Variants in MICAL3 observed in about 807,000 individuals in gnomAD.
MICAL3 encodes microtubule associated monooxygenase, calponin and LIM domain containing 3, also known as [F-actin]-monooxygenase MICAL3.
Under a neutral mutation model 207.4 loss-of-function variants are expected in MICAL3, and 62 were observed. The observed-to-expected ratio is 0.30, with a 90% CI of 0.24 to 0.37. MICAL3 has a LOEUF of 0.37. Among genes scored for constraint, MICAL3 ranks in the 10% least tolerant of loss-of-function variants. The pLI is 1.00. For synonymous variants in MICAL3, 1,077 were observed against 1,069.3 expected, an observed-to-expected ratio of 1.01 and a Z score of -0.14; for missense variants, 2,368 against 2,635.6, an observed-to-expected ratio of 0.90 and a Z score of 2.22.
intron 1 of MICAL3, among the ~76,000 whole-genome samples, chr22:17,934,333 A>G (rs1933413272): frequency 6.6e-6 from 1 of 152,000 alleles, no homozygotes; most frequent in South Asian, 2.1e-4. Context: ...AATCCATCAC[A>G]TAAACAGAAC....
chr22:17,795,214 A>G (rs901552008), intron 29 of MICAL3, among the ~76,000 whole-genome samples: 5 of 152,244 alleles, frequency 3.3e-5, no homozygotes, highest in African/African-American at 1.2e-4. Context: ...ATGCATGGGT[A>G]CGAGGGAGGA....
intron 1 of MICAL3, among the ~76,000 whole-genome samples, chr22:17,909,355 CT>C (rs1931967436): frequency 6.6e-6 from 1 of 152,114 alleles, no homozygotes; most frequent in South Asian, 2.1e-4. Flanking sequence ...GAAACCCTAT[CT>C]CTACCAAAAA....
intron 19 of MICAL3, among the ~76,000 whole-genome samples, chr22:17,847,658 C>T (rs1177721319): frequency 2.5e-4 from 38 of 152,290 alleles, no homozygotes; most frequent in South Asian, 2.1e-4. Flanking sequence ...GCAAGAATGG[C>T]GCTGATTGAA....
Position 17,791,059 on chromosome 22 carries a change from C to T in MICAL3, c.5763G>A (p.Leu1921=), listed in dbSNP as rs776722444. 9.3e-6 allele frequency: 15 copies of T among 1,611,652 alleles called. No individual in the cohort carries two copies. The highest frequency in any genetic ancestry group is 1.2e-5 in the Non-Finnish European group (14 of 1,179,712). ...GTCGACTCTGCCGGTCTTCCAGCTCCAGCTCCCGGGCACTGAGGAGGCAGG... is the reference window on the plus strand; with the variant it reads ...GTCGACTCTGCCGGTCTTCCAGCTCTAGCTCCCGGGCACTGAGGAGGCAGG... ...ESELMIFARE[L]ELEDRQSRLQ... is the part of the protein sequence containing the mutation. The change falls in exon 31 of 32, where the codon CTG becomes CTA. Residue 1921 remains leucine (L), a synonymous_variant. Transcript: ENST00000441493.
At chr22:17,879,349 C>G (rs1255842842) in intron 16 of MICAL3, 1 of 1,610,200 alleles carries the variant, frequency 6.2e-7, no homozygotes, top group Non-Finnish European at 8.5e-7. Flanking sequence ...CTTTTACCCT[C>G]TCATGGTGGG....
intron 1 of MICAL3, among the ~76,000 whole-genome samples, chr22:17,911,727 G>A (rs1486936170): frequency 3.9e-5 from 6 of 152,110 alleles, no homozygotes; most frequent in Non-Finnish European, 8.8e-5. Flanking sequence ...ATCTACATGC[G>A]AGGCTGAGGT....
Position 17,819,070 on chromosome 22 carries a change from A to G in MICAL3, c.3591T>C (p.Leu1197=). The change falls in exon 26 of 32, where the codon CTT becomes CTC. Residue 1197 remains leucine (L), a synonymous_variant. Transcript: ENST00000441493. The part of the protein sequence containing the change: ...ATQEKSPEER[L]FPEPLLPKEK... ...CTTTGGGGAGCAAAGGCTCAGGGAA[A>G]AGGCGCTCCTCAGGTGATTTCTCCT... The G allele has an allele frequency of 6.4e-7, 1 of 1,557,000 alleles. No homozygotes were observed. Among genetic ancestry groups the G allele is most frequent in the Non-Finnish European group, 8.7e-7 (1 of 1,151,086 alleles).
At chr22:17,856,026 GC>G (rs1260078468) in intron 19 of MICAL3, among the ~76,000 whole-genome samples, 1 of 152,056 alleles carries the variant, frequency 6.6e-6, no homozygotes, top group East Asian at 1.9e-4. Flanking sequence ...GCAACATGGG[GC>G]CTGCCTCCCT....
intron 1 of MICAL3, among the ~76,000 whole-genome samples, chr22:17,953,653 G>A (rs1027234575): frequency 2.0e-5 from 3 of 152,190 alleles, no homozygotes; most frequent in Admixed American, 6.5e-5. Flanking sequence ...AAGACTGGCC[G>A]GGTGTGGTGG....
chr22:17,862,944 C>T, intron 19 of MICAL3: 2 of 985,416 alleles, frequency 2.0e-6, no homozygotes, highest in Non-Finnish European at 2.4e-6. Context: ...TACCAAGTCA[C>T]CTTCTGGCTC....
At position 17,906,720 on chromosome 22, in the gene MICAL3, A is replaced by G; in HGVS notation, c.93T>C (p.Ala31=). Residue 31 remains alanine, a synonymous_variant, in exon 2 of 32, where the codon GCT becomes GCC. Transcript: ENST00000441493. ...QATTCKGTLK[A]FQELCDHLEL... ...CCAGGTGGTCACAGAGCTCCTGGAAAGCCTTGAGGGTTCCCTTGCAGGTGG... is the reference window on the plus strand; with the variant it reads ...CCAGGTGGTCACAGAGCTCCTGGAAGGCCTTGAGGGTTCCCTTGCAGGTGG... 6.2e-7 allele frequency: 1 copy of G among 1,613,948 alleles called. No homozygotes were observed. Among genetic ancestry groups the G allele is most frequent in the Non-Finnish European group, 8.5e-7 (1 of 1,179,890 alleles).
intron 20 of MICAL3, among the ~76,000 whole-genome samples, 157 bp from the exon 21 acceptor site, chr22:17,832,264 C>T (rs1922884345): frequency 1.3e-5 from 2 of 152,208 alleles, no homozygotes; most frequent in South Asian, 4.1e-4. Context: ...ATCAGCAGGA[C>T]AGGGTACCTG....
In MICAL3 at chr22:17,819,051, G is replaced by A. The variant is rs748199358; in HGVS notation, c.3610C>T (p.Pro1204Ser). ...GCATCAGCTTTGGGCTTCTCTTTGG[G>A]GAGCAAAGGCTCAGGGAAAAGGCGC... is the stretch of plus-strand genomic sequence containing the variant. ...EERLFPEPLL[P>S]KEKPKADAPS... Residue 1204 changes from proline (P) to serine (S), a missense_variant, in exon 26 of 32, where the codon CCC (proline) becomes TCC (serine). By Grantham distance (74) the Pro-to-Ser change is moderately conservative (BLOSUM62 -1). Coordinates refer to ENST00000441493, the MANE Select transcript of MICAL3 (RefSeq NM_015241.3). 2 of 1,585,688 alleles carry A rather than the reference G, an allele frequency of 1.3e-6. No homozygotes were observed. The highest frequency in any genetic ancestry group is 2.3e-5 in the South Asian group (2 of 86,964).
intron 1 of MICAL3, among the ~76,000 whole-genome samples, chr22:17,980,678 A>G (rs935070463): frequency 6.6e-6 from 1 of 152,266 alleles, no homozygotes; most frequent in Non-Finnish European, 1.5e-5. Flanking sequence ...CATGCCCTTC[A>G]TGCAACCTAC....
chr22:17,818,457 G>A lies in MICAL3; in HGVS notation c.4204C>T (p.Pro1402Ser). ...CTGTCGGACGGGGACCGGGGGGTTGGCAGGGACAACGGCTCGCCTTCCGGC... is the reference window on the plus strand; with the variant it reads ...CTGTCGGACGGGGACCGGGGGGTTGACAGGGACAACGGCTCGCCTTCCGGC... ...PKPEGEPLSL[P>S]TPRSPSDREL... is the part of the protein sequence containing the mutation. Residue 1402 changes from proline to serine, a missense_variant, in exon 26 of 32, where the codon CCA becomes TCA. Pro to Ser is a moderately conservative substitution (Grantham distance 74). This residue lies in a region of MICAL3 where 1,770 missense variants were observed against 1,863.2 expected (regional missense o/e 0.95). Transcript: ENST00000441493. The A allele has an allele frequency of 6.2e-7, 1 of 1,613,018 alleles. No individual in the cohort carries two copies. The highest frequency in any genetic ancestry group is 8.5e-7 in the Non-Finnish European group (1 of 1,179,892).
Position 17,822,935 on chromosome 22 carries a change from G to A in MICAL3, c.3307+12C>T, listed in dbSNP as rs978264595. 2 of 1,570,294 alleles carry A rather than the reference G, an allele frequency of 1.3e-6. No individual in the cohort carries two copies. The highest frequency in any genetic ancestry group is 1.4e-5 in the African/African-American group (1 of 73,966). Reference sequence around the variant, plus strand: ...AGCTCCCACCACAGGGGCGGGGAGGGCGGACCCCTACCATCATCCAGCTCA... The same window carrying A: ...AGCTCCCACCACAGGGGCGGGGAGGACGGACCCCTACCATCATCCAGCTCA... On this transcript the variant is annotated intron_variant, in intron 23 of 31. Coordinates refer to ENST00000441493, the MANE Select transcript of MICAL3 (RefSeq NM_015241.3).
Position 17,810,762 on chromosome 22 carries a change from G to T in MICAL3, c.5497C>A (p.Gln1833Lys). The change falls in exon 28 of 32, where the codon CAA (glutamine) becomes AAA (lysine). Residue 1833 changes from glutamine (Q) to lysine (K), a missense_variant. Transcript: ENST00000441493. ...ELNAKLTRRV[Q>K]KAARRQAKQE... ...TTGGCCTGTCTCCGAGCTGCCTTTT[G>T]CACACGCCGGGTCAGCTTGGCATTC... is the stretch of plus-strand genomic sequence containing the variant. 6.2e-7 allele frequency: 1 copy of T among 1,613,912 alleles called. No homozygotes were observed. Among genetic ancestry groups the T allele is most frequent in the South Asian group, 1.1e-5 (1 of 91,072 alleles).
intron 19 of MICAL3, chr22:17,863,122 G>A (rs1926696015): frequency 3.0e-6 from 3 of 985,230 alleles, no homozygotes; most frequent in Non-Finnish European, 3.6e-6. Context: ...CTAAAAACCT[G>A]AAACCCATTA....
chr22:17,963,261 T>C (rs972180387), intron 1 of MICAL3, among the ~76,000 whole-genome samples: 2 of 152,060 alleles, frequency 1.3e-5, no homozygotes, highest in African/African-American at 4.8e-5. Flanking sequence ...TACAGGCATG[T>C]GTCATCACGC....
Sources: allele counts gnomAD v4.1 joint callset (sites outside exome capture counted in the v4.1 genomes callset), GRCh38; gene constraint gnomAD v4.1.1; regional missense constraint gnomAD v4.1.1; transcripts MANE v1.5; gene names NCBI Gene and HGNC (gene_info 2026-07-23, HGNC 2026-07-21).